The following R3HCC1L variants were observed in gnomAD, a reference collection of about 807,000 sequenced individuals.
R3HCC1L encodes the protein R3H domain and coiled-coil containing 1 like, also known as coiled-coil domain-containing protein R3HCC1L.
In R3HCC1L, 51 loss-of-function variants were observed where a neutral mutation model predicts 59.9. The ratio of observed to expected loss-of-function variants is 0.85; its 90% CI spans 0.68 to 1.07. The LOEUF is 1.07. R3HCC1L is among the 50% of genes least tolerant of loss of function. R3HCC1L has a pLI of 0.00. For synonymous variants in R3HCC1L, 322 were observed against 315.2 expected (o/e 1.02, Z -0.23); for missense variants, 965 against 933.0 (o/e 1.03, Z -0.45).
At chr10:98,237,018 A>G (rs544534780) in intron 9 of R3HCC1L, among the ~76,000 whole-genome samples, 2 of 152,348 alleles carry the variant, frequency 1.3e-5, no homozygotes, top group African/African-American at 4.8e-5. Context: ...TTGCTGGTCT[A>G]ACAAGGCCAT....
At chr10:98,140,786 T>C (rs1845061078) in intron 1 of R3HCC1L, among the ~76,000 whole-genome samples, 1 of 152,204 alleles carries the variant, frequency 6.6e-6, no homozygotes, top group African/African-American at 2.4e-5. Context: ...ATATTCAGCA[T>C]GCAAATATCA....
intron 4 of R3HCC1L, among the ~76,000 whole-genome samples, chr10:98,167,074 C>T (rs1848021760): frequency 6.6e-6 from 1 of 151,840 alleles, no homozygotes; most frequent in South Asian, 2.1e-4. Flanking sequence ...AGCTTTTACC[C>T]ATCTTTAACA....
chr10:98,238,995 A>G (rs181571235), intron 9 of R3HCC1L, among the ~76,000 whole-genome samples: 1 of 152,320 alleles, frequency 6.6e-6, no homozygotes. Context: ...TTTAGAAATG[A>G]GGAAATCTGG....
intron 5 of R3HCC1L, among the ~76,000 whole-genome samples, chr10:98,229,653 T>C (rs1856120078): frequency 6.6e-6 from 1 of 152,242 alleles, no homozygotes; most frequent in Non-Finnish European, 1.5e-5. Flanking sequence ...ATCCCTGTCT[T>C]GTGCCAGTTT....
intron 1 of R3HCC1L, among the ~76,000 whole-genome samples, chr10:98,142,272 T>G (rs1195966118): frequency 2.0e-5 from 3 of 152,174 alleles, no homozygotes; most frequent in African/African-American, 7.2e-5. Context: ...GTTTAGAAAA[T>G]CAGGAAATAA....
chr10:98,177,285 G>T (rs1849128499), intron 4 of R3HCC1L, among the ~76,000 whole-genome samples: 2 of 152,048 alleles, frequency 1.3e-5, no homozygotes, highest in Admixed American at 1.3e-4. Context: ...AAGGTGTTTG[G>T]TTTTCTGTCC....
chr10:98,195,399 A>G (rs1436565696), intron 4 of R3HCC1L, among the ~76,000 whole-genome samples: 13 of 151,632 alleles, frequency 8.6e-5, no homozygotes, highest in Admixed American at 7.9e-4. Context: ...TATAGTTAAA[A>G]TACTGTGCTA....
intron 1 of R3HCC1L, among the ~76,000 whole-genome samples, chr10:98,153,334 CAT>C (rs912494979): frequency 6.6e-6 from 1 of 152,142 alleles, no homozygotes; most frequent in African/African-American, 2.4e-5. Flanking sequence ...CTCTCTGAAA[CAT>C]GTGCTGTGTC....
rs529114999 is a variant in R3HCC1L at position 98,219,164 on chromosome 10, G to C, written c.1785+9265G>C. Reference sequence around the variant, plus strand: ...TGGCCTCAAGTGATCCACCTGCCTTGGCCTCCCAAAGTGTTGGGATTACAG... The same window carrying C: ...TGGCCTCAAGTGATCCACCTGCCTTCGCCTCCCAAAGTGTTGGGATTACAG... On this transcript the variant is annotated intron_variant, in intron 5 of 9. Coordinates refer to ENST00000298999, the MANE Select transcript of R3HCC1L (RefSeq NM_001351015.2). 2.6e-5 allele frequency among the ~76,000 whole-genome samples: 4 copies of C among 152,290 alleles called. No homozygotes were observed. In the South Asian group the frequency reaches 8.3e-4, roughly 32 times the overall value.
At chr10:98,186,553 A>G (rs1850239207) in intron 4 of R3HCC1L, 4 of 964,012 alleles carry the variant, frequency 4.1e-6, no homozygotes, top group Non-Finnish European at 4.9e-6. Context: ...GAGACTCCAG[A>G]GTCACCTAAG....
intron 5 of R3HCC1L, among the ~76,000 whole-genome samples, chr10:98,216,148 T>G (rs576807344): frequency 4.6e-5 from 7 of 152,350 alleles, no homozygotes; most frequent in African/African-American, 1.7e-4. Context: ...TGAAGTTTAT[T>G]GGTAAAGGGA....
intron 2 of R3HCC1L, among the ~76,000 whole-genome samples, chr10:98,160,641 TTC>T (rs1847327134): frequency 6.6e-6 from 1 of 152,236 alleles, no homozygotes; most frequent in African/African-American, 2.4e-5. Flanking sequence ...CTTCATTTAT[TTC>T]TGTTTGTATT....
At chr10:98,211,119 A>G (rs1351844127) in intron 5 of R3HCC1L, among the ~76,000 whole-genome samples, 1 of 152,182 alleles carries the variant, frequency 6.6e-6, no homozygotes, top group South Asian at 2.1e-4. Flanking sequence ...ATGAGCATCC[A>G]TGAGCCCCTT....
intron 4 of R3HCC1L, among the ~76,000 whole-genome samples, chr10:98,206,232 G>T: frequency 2.1e-5 from 2 of 97,068 alleles, no homozygotes; most frequent in Non-Finnish European, 4.3e-5. Flanking sequence ...ACTATTTTGG[G>T]GCTTTTATTG....
intron 4 of R3HCC1L, among the ~76,000 whole-genome samples, chr10:98,178,263 A>G (rs1357165415): frequency 6.6e-6 from 1 of 152,126 alleles, no homozygotes; most frequent in East Asian, 1.9e-4. Context: ...GAAGGGATCC[A>G]GTTTCAGGTT....
intron 6 of R3HCC1L, among the ~76,000 whole-genome samples, chr10:98,232,948 A>G (rs972091590): frequency 4.6e-5 from 7 of 152,188 alleles, no homozygotes; most frequent in African/African-American, 1.7e-4. Flanking sequence ...CATCAGTTCT[A>G]TAACTAACAG....
In R3HCC1L at chr10:98,165,862, A is replaced by G. The variant is rs996669209; in HGVS notation, c.-15+2465A>G. 2.6e-5 allele frequency among the ~76,000 whole-genome samples: 4 copies of G among 152,316 alleles called. No individual in the cohort carries two copies. In the South Asian group the frequency reaches 8.3e-4, roughly 32 times the overall value. On this transcript the variant is annotated intron_variant, in intron 4 of 9. Transcript: ENST00000298999. ...TGAAGGTGGAGCCCTCATGAATGAC[A>G]TGGCTTCCCCTATAGGAAGAAGCCA...
intron 4 of R3HCC1L, among the ~76,000 whole-genome samples, chr10:98,181,499 G>C (rs564240043): frequency 6.6e-6 from 1 of 151,958 alleles, no homozygotes; most frequent in African/African-American, 2.4e-5. Flanking sequence ...TGTGTCTTGG[G>C]GTTGCTCTTC....
chr10:98,233,876 A>C (rs1443673824), intron 6 of R3HCC1L, among the ~76,000 whole-genome samples: 1 of 152,016 alleles, frequency 6.6e-6, no homozygotes, highest in African/African-American at 2.4e-5. Flanking sequence ...TCCCTTCTGC[A>C]ACAAGTGAAG....
Sources: allele counts gnomAD v4.1 joint callset (sites outside exome capture counted in the v4.1 genomes callset), GRCh38; gene constraint gnomAD v4.1.1; transcripts MANE v1.5; gene names NCBI Gene and HGNC (gene_info 2026-07-23, HGNC 2026-07-21).